Variants in CTNNA3 observed in about 807,000 individuals in gnomAD.
CTNNA3 encodes the protein catenin alpha 3.
Under a neutral mutation model 95.7 loss-of-function variants are expected in CTNNA3, and 76 were observed. The observed-to-expected ratio is 0.79, with a 90% CI of 0.66 to 0.96. The LOEUF is 0.96. CTNNA3 is among the 40% of genes least tolerant of loss of function. CTNNA3 has a pLI of 0.00. For missense variants in CTNNA3, 1,191 were observed against 1,089.8 expected (o/e 1.09, Z -1.31); for synonymous variants, 431 against 374.4 (o/e 1.15, Z -1.74).
At chr10:67,170,353 A>T (rs370992868) in intron 7 of CTNNA3, among the ~76,000 whole-genome samples, 23 of 152,346 alleles carry the variant, frequency 1.5e-4, no homozygotes, top group African/African-American at 5.1e-4. Flanking sequence ...CACAGCAAAA[A>T]CATGGAATCA....
At chr10:66,665,371 A>G (rs1846415204) in intron 9 of CTNNA3, among the ~76,000 whole-genome samples, 1 of 152,212 alleles carries the variant, frequency 6.6e-6, no homozygotes, top group Non-Finnish European at 1.5e-5. Context: ...CATAATAATA[A>G]CAACAAAAGC....
chr10:67,033,847 C>G (rs1173375469), intron 7 of CTNNA3, among the ~76,000 whole-genome samples: 1 of 151,942 alleles, frequency 6.6e-6, no homozygotes, highest in South Asian at 2.1e-4. Context: ...CTCAGCTCAC[C>G]GCAACCTCTG....
intron 14 of CTNNA3, among the ~76,000 whole-genome samples, chr10:66,078,495 T>C (rs1001601138): frequency 1.3e-5 from 2 of 151,896 alleles, no homozygotes; most frequent in Admixed American, 6.6e-5. Context: ...AAAACAATAA[T>C]GGTCTTTGTT....
chr10:66,300,207 T>C (rs2091841207), intron 12 of CTNNA3, among the ~76,000 whole-genome samples: 3 of 152,114 alleles, frequency 2.0e-5, no homozygotes, highest in Admixed American at 1.3e-4. Context: ...TGAGGAAAAA[T>C]TTTTTAAAAT....
At chr10:65,960,017 T>C (rs1164442599) in intron 17 of CTNNA3, among the ~76,000 whole-genome samples, 2 of 152,180 alleles carry the variant, frequency 1.3e-5, no homozygotes, top group African/African-American at 2.4e-5. Flanking sequence ...TTCTAAGCAG[T>C]GTTGAGAAAA....
Position 67,562,107 on chromosome 10 carries a change from G to C in CTNNA3, c.293-22438C>G, listed in dbSNP as rs533862696. Among the ~76,000 whole-genome samples the C allele has an allele frequency of 1.2e-3, 186 of 152,220 alleles. 1 individual carries two copies. Among genetic ancestry groups the C allele is most frequent in the African/African-American group, 4.2e-3 (176 of 41,542 alleles). On this transcript the variant is annotated intron_variant, in intron 3 of 17. Transcript: ENST00000433211. ...CTTTCTGAAACTATTCCAATCAATA[G>C]AAAAAGAGGGAATCCTCCCTAACTC...
At chr10:66,131,895 A>G (rs1046301811) in intron 13 of CTNNA3, among the ~76,000 whole-genome samples, 1 of 152,220 alleles carries the variant, frequency 6.6e-6, no homozygotes, top group East Asian at 1.9e-4. Flanking sequence ...GTATACAAAT[A>G]TCAACTCAAA....
intron 5 of CTNNA3, among the ~76,000 whole-genome samples, chr10:67,430,752 C>G (rs950641614): frequency 6.7e-5 from 10 of 150,340 alleles, no homozygotes; most frequent in Non-Finnish European, 1.3e-4. Context: ...GATTAAAATA[C>G]TGTATATGCA....
At chr10:67,003,866 A>G (rs1851817992) in intron 7 of CTNNA3, among the ~76,000 whole-genome samples, 1 of 152,198 alleles carries the variant, frequency 6.6e-6, no homozygotes. Context: ...GCAATGCATC[A>G]GCCAAAGTGC....
intron 12 of CTNNA3, among the ~76,000 whole-genome samples, chr10:66,282,301 T>C (rs2091507164): frequency 6.6e-6 from 1 of 151,836 alleles, no homozygotes; most frequent in Admixed American, 6.6e-5. Flanking sequence ...ATCTCTAATC[T>C]AGACCTTTCT....
At chr10:65,996,091 G>A (rs2078651465) in intron 15 of CTNNA3, among the ~76,000 whole-genome samples, 1 of 152,174 alleles carries the variant, frequency 6.6e-6, no homozygotes, top group Admixed American at 6.5e-5. Context: ...GGGAATTGGG[G>A]TTATTTTCAG....
chr10:67,581,184 T>C (rs1842380654), intron 3 of CTNNA3, among the ~76,000 whole-genome samples: 2 of 152,216 alleles, frequency 1.3e-5, no homozygotes, highest in South Asian at 4.1e-4. Flanking sequence ...AGTATGATAT[T>C]GGCTGTAGGT....
At chr10:67,404,130 T>G (rs914050988) in intron 5 of CTNNA3, among the ~76,000 whole-genome samples, 1 of 151,778 alleles carries the variant, frequency 6.6e-6, no homozygotes, top group Non-Finnish European at 1.5e-5. Context: ...AACTCAAAAA[T>G]CCAGTGTGCT....
intron 5 of CTNNA3, among the ~76,000 whole-genome samples, chr10:67,245,726 C>A (rs1865879658): frequency 6.6e-6 from 1 of 151,930 alleles, no homozygotes; most frequent in Non-Finnish European, 1.5e-5. Context: ...GGCATGGTGG[C>A]ATGTACCTGT....
At chr10:65,944,907 CTATCATCTAT>C (rs2077492295) in intron 17 of CTNNA3, among the ~76,000 whole-genome samples, 2 of 125,924 alleles carry the variant, frequency 1.6e-5, no homozygotes, top group Admixed American at 8.3e-5. Flanking sequence ...TATCATCTAT[CTATCATCTAT>C]TTATCATCTA....
chr10:67,199,365 TG>T (rs1341813821), intron 6 of CTNNA3, among the ~76,000 whole-genome samples: 1 of 69,818 alleles, frequency 1.4e-5, no homozygotes, highest in East Asian at 2.5e-4. Context: ...TTTTCCTTTT[TG>T]TTGTTGTTGT....
chr10:67,386,543 T>G (rs191191135), intron 5 of CTNNA3, among the ~76,000 whole-genome samples: 2 of 152,118 alleles, frequency 1.3e-5, no homozygotes, highest in East Asian at 3.9e-4. Context: ...AAAGCCTTCA[T>G]TAAACATCAG....
At chr10:66,083,033 T>G (rs2080824472) in intron 14 of CTNNA3, among the ~76,000 whole-genome samples, 1 of 106,958 alleles carries the variant, frequency 9.3e-6, no homozygotes, top group Non-Finnish European at 2.2e-5. Flanking sequence ...AGTCTAAAAC[T>G]ATTTTTTTTT....
intron 3 of CTNNA3, among the ~76,000 whole-genome samples, chr10:67,562,935 A>T (rs1841581328): frequency 6.6e-6 from 1 of 152,132 alleles, no homozygotes; most frequent in Non-Finnish European, 1.5e-5. Flanking sequence ...CTTACAAGGG[A>T]TGTGAAGGAT....
Sources: allele counts gnomAD v4.1 joint callset (sites outside exome capture counted in the v4.1 genomes callset), GRCh38; gene constraint gnomAD v4.1.1; transcripts MANE v1.5; gene names NCBI Gene and HGNC (gene_info 2026-07-23, HGNC 2026-07-21).